The following ARHGAP15 variants were observed in gnomAD, a reference collection of about 807,000 sequenced individuals.
ARHGAP15 encodes the protein Rho GTPase activating protein 15.
ARHGAP15 carries 51 observed loss-of-function variants against 63.7 expected under a neutral mutation model. The ratio of observed to expected loss-of-function variants is 0.80; its 90% CI spans 0.64 to 1.01. The LOEUF (loss-of-function observed/expected upper bound fraction) is 1.01, where lower values mean the gene tolerates loss of function less well. Among genes scored for constraint, ARHGAP15 ranks in the 50% least tolerant of loss-of-function variants. The pLI is 0.00. For missense variants in ARHGAP15, 560 were observed against 564.6 expected, an observed-to-expected ratio of 0.99 and a Z score of 0.08; for synonymous variants, 191 against 193.8, an observed-to-expected ratio of 0.99 and a Z score of 0.12.
intron 12 of ARHGAP15, among the ~76,000 whole-genome samples, chr2:143,685,960 A>G (rs776550672): frequency 6.6e-6 from 1 of 152,140 alleles, no homozygotes; most frequent in Non-Finnish European, 1.5e-5. Context: ...AAAAAAAATT[A>G]TGTTAGCTGG....
chr2:143,382,100 C>T (rs11895024), intron 6 of ARHGAP15, among the ~76,000 whole-genome samples: 7 of 26,944 alleles, frequency 2.6e-4, no homozygotes, highest in African/African-American at 1.1e-3. Context: ...CTTCCTCCCT[C>T]CCTTTCCTTC....
chr2:143,146,182 G>A (rs1261022948), intron 1 of ARHGAP15, among the ~76,000 whole-genome samples: 1 of 151,728 alleles, frequency 6.6e-6, no homozygotes, highest in African/African-American at 2.4e-5. Context: ...ACCCACAAGT[G>A]GGAAATGATA....
At chr2:143,288,085 A>G (rs1463438556) in intron 6 of ARHGAP15, among the ~76,000 whole-genome samples, 1 of 152,218 alleles carries the variant, frequency 6.6e-6, no homozygotes, top group African/African-American at 2.4e-5. Flanking sequence ...GCATTTGATG[A>G]GAAGCACGAA....
intron 11 of ARHGAP15, among the ~76,000 whole-genome samples, chr2:143,616,130 G>A (rs1224896163): frequency 6.6e-6 from 1 of 152,120 alleles, no homozygotes; most frequent in Non-Finnish European, 1.5e-5. Context: ...TAAAAGCCTG[G>A]AGAGCAGCAT....
chr2:143,358,533 A>T (rs1392752487), intron 6 of ARHGAP15, among the ~76,000 whole-genome samples: 1 of 146,960 alleles, frequency 6.8e-6, no homozygotes, highest in African/African-American at 2.5e-5. Flanking sequence ...TATGTAAAGT[A>T]AAAAAAAAAG....
chr2:143,314,663 C>T (rs1226267136), intron 6 of ARHGAP15: 1 of 151,608 alleles, frequency 6.6e-6, no homozygotes, highest in South Asian at 2.1e-4. Context: ...TTCCTGAAAA[C>T]ATTTTTAGAC....
At chr2:143,200,952 T>C (rs558644620) in intron 2 of ARHGAP15, among the ~76,000 whole-genome samples, 18 of 152,186 alleles carry the variant, frequency 1.2e-4, no homozygotes, top group African/African-American at 4.1e-4. Context: ...TGTGAAACAA[T>C]GTTTTTGTCA....
intron 2 of ARHGAP15, among the ~76,000 whole-genome samples, chr2:143,161,801 G>A (rs1034022928): frequency 2.0e-5 from 3 of 151,874 alleles, no homozygotes; most frequent in South Asian, 2.1e-4. Flanking sequence ...TTCTGTTACC[G>A]AGTAGGAGAG....
At chr2:143,569,122 C>A (rs1696351812) in intron 11 of ARHGAP15, among the ~76,000 whole-genome samples, 1 of 152,002 alleles carries the variant, frequency 6.6e-6, no homozygotes, top group African/African-American at 2.4e-5. Flanking sequence ...TGTAACAAGC[C>A]TGCACGTTGT....
chr2:143,498,312 T>G (rs1692910194), intron 9 of ARHGAP15, among the ~76,000 whole-genome samples: 1 of 152,128 alleles, frequency 6.6e-6, no homozygotes, highest in Non-Finnish European at 1.5e-5. Flanking sequence ...AATAACTCCA[T>G]GTTGTAAAAG....
At chr2:143,523,305 CA>C (rs1694135643) in intron 10 of ARHGAP15, among the ~76,000 whole-genome samples, 1 of 152,080 alleles carries the variant, frequency 6.6e-6, no homozygotes, top group African/African-American at 2.4e-5. Flanking sequence ...CCCTACAAGA[CA>C]GAAGAACCAT....
chr2:143,368,968 TAAAA>T (rs1271696868), intron 6 of ARHGAP15, among the ~76,000 whole-genome samples: 4 of 151,976 alleles, frequency 2.6e-5, no homozygotes, highest in African/African-American at 9.7e-5. Flanking sequence ...ACAGAGAAAA[TAAAA>T]ATAACAATAT....
intron 12 of ARHGAP15, among the ~76,000 whole-genome samples, chr2:143,671,729 A>G (rs1208602564): frequency 6.6e-6 from 1 of 152,176 alleles, no homozygotes; most frequent in Non-Finnish European, 1.5e-5. Flanking sequence ...CCAGTTACCC[A>G]TCATTTATCC....
chr2:143,695,465 T>C (rs921276975), intron 12 of ARHGAP15, among the ~76,000 whole-genome samples: 1 of 152,178 alleles, frequency 6.6e-6, no homozygotes, highest in Non-Finnish European at 1.5e-5. Context: ...GAGGCATCAC[T>C]ACAAAACTGA....
chr2:143,236,124 A>C (rs1286163932), intron 5 of ARHGAP15: 9 of 976,204 alleles, frequency 9.2e-6, no homozygotes, highest in Non-Finnish European at 1.3e-5. Flanking sequence ...GGTGTCATAT[A>C]ATTTTTTTCT....
intron 6 of ARHGAP15, among the ~76,000 whole-genome samples, chr2:143,405,807 A>T (rs1361128650): frequency 6.6e-6 from 1 of 151,918 alleles, no homozygotes; most frequent in Non-Finnish European, 1.5e-5. Flanking sequence ...CGTTTCTTGC[A>T]TAAGAATATT....
intron 11 of ARHGAP15, among the ~76,000 whole-genome samples, chr2:143,577,914 T>C (rs569017086): frequency 6.6e-6 from 1 of 152,292 alleles, no homozygotes; most frequent in African/African-American, 2.4e-5. Flanking sequence ...AAGTGAATTT[T>C]TACAGTTAAG....
intron 12 of ARHGAP15, among the ~76,000 whole-genome samples, chr2:143,654,983 G>A (rs546643221): frequency 6.6e-6 from 1 of 152,262 alleles, no homozygotes; most frequent in African/African-American, 2.4e-5. Context: ...TGTATTCCCA[G>A]CTACTCCAGA....
chr2:143,608,301 A>T (rs1264431875), intron 11 of ARHGAP15: 1 of 152,218 alleles, frequency 6.6e-6, no homozygotes, highest in African/African-American at 2.4e-5. Context: ...GGGGACTGGG[A>T]GACTCGTGCT....
Sources: gnomAD v4.1 joint callset for allele counts (sites outside exome capture counted in the v4.1 genomes callset) on GRCh38, gnomAD v4.1.1 for gene constraint, MANE v1.5 for transcripts, NCBI Gene and HGNC (gene_info 2026-07-23, HGNC 2026-07-21) for gene names.